The following STK33 variants were observed in gnomAD, a reference collection of about 807,000 sequenced individuals.
STK33 encodes serine/threonine-protein kinase 33.
In STK33, 52 loss-of-function variants were observed where a neutral mutation model predicts 58.0. The ratio of observed to expected loss-of-function variants is 0.90; its 90% confidence interval spans 0.72 to 1.13. STK33 has a LOEUF of 1.13. Ranked by LOEUF, STK33 falls within the 50% of genes most tolerant of loss-of-function variation. The pLI, the probability that STK33 is intolerant of heterozygous loss-of-function variation, is 0.00. For synonymous variants in STK33, 215 were observed against 200.1 expected (o/e 1.07, Z -0.63); for missense variants, 630 against 604.2 (o/e 1.04, Z -0.45).
At chr11:8,387,637 A>AG (rs1229052375), downstream of STK33, among the ~76,000 whole-genome samples, 1 of 152,208 alleles carries the variant, frequency 6.6e-6, no homozygotes, top group Non-Finnish European at 1.5e-5. Flanking sequence ...AATGGATCCC[A>AG]TCCACTATTA....
chr11:8,581,460 G>A (rs1298600379), intron 1 of STK33, among the ~76,000 whole-genome samples: 1 of 152,146 alleles, frequency 6.6e-6, no homozygotes, highest in Non-Finnish European at 1.5e-5. Flanking sequence ...AAGCCTGAGT[G>A]AGAGAGTCAC....
chr11:8,425,485 A>G (rs1466513730), intron 14 of STK33, among the ~76,000 whole-genome samples: 1 of 152,144 alleles, frequency 6.6e-6, no homozygotes, highest in Non-Finnish European at 1.5e-5. Flanking sequence ...TTTTGGTTTC[A>G]TATGAACTTT....
chr11:8,357,223 G>A, the STK33 span, among the ~76,000 whole-genome samples: 5 of 152,148 alleles, frequency 3.3e-5, no homozygotes, highest in Admixed American at 2.0e-4. Flanking sequence ...ATGCCCCATC[G>A]GCTCCCTAAT....
chr11:8,349,173 A>C, the STK33 span, among the ~76,000 whole-genome samples: 14 of 151,972 alleles, frequency 9.2e-5, no homozygotes, highest in Non-Finnish European at 1.2e-4. Flanking sequence ...CTTTGCCAAG[A>C]CTCCATTGCT....
At chr11:8,404,984 C>CA (rs1938841889) in intron 15 of STK33, among the ~76,000 whole-genome samples, 1 of 152,012 alleles carries the variant, frequency 6.6e-6, no homozygotes, top group African/African-American at 2.4e-5. Context: ...ATTAAAAATA[C>CA]AAAAAATTAG....
downstream of STK33, among the ~76,000 whole-genome samples, chr11:8,388,221 T>C (rs1323681728): frequency 1.3e-5 from 2 of 152,090 alleles, no homozygotes; most frequent in Admixed American, 6.5e-5. Context: ...GTCCTATTAA[T>C]CTTCCCAATG....
chr11:8,351,612 C>T, the STK33 span, among the ~76,000 whole-genome samples: 2 of 152,228 alleles, frequency 1.3e-5, no homozygotes, highest in African/African-American at 2.4e-5. Context: ...TTCCATCTCT[C>T]GACACCATTT....
the STK33 span, among the ~76,000 whole-genome samples, chr11:8,374,962 T>C: frequency 2.6e-5 from 4 of 152,336 alleles, no homozygotes; most frequent in South Asian, 2.1e-4. Context: ...CAGGGAAGTA[T>C]AGTTCCCTTC....
intron 1 of STK33, among the ~76,000 whole-genome samples, chr11:8,570,044 T>C (rs1376903264): frequency 6.6e-6 from 1 of 152,150 alleles, no homozygotes; most frequent in Non-Finnish European, 1.5e-5. Flanking sequence ...AAAAAACTTG[T>C]ATCCAAAATT....
intron 1 of STK33, among the ~76,000 whole-genome samples, chr11:8,528,299 C>A (rs1368158371): frequency 6.6e-6 from 1 of 152,182 alleles, no homozygotes; most frequent in Non-Finnish European, 1.5e-5. Flanking sequence ...GTAAGTTGTA[C>A]AATTGTCCTT....
At position 8,405,485 on chromosome 11, in the gene STK33, A is replaced by G. The variant is rs543535628; in HGVS notation, c.1344+8010T>C. On this transcript the variant is annotated intron_variant, in intron 15 of 15. Coordinates refer to ENST00000687296, the MANE Select transcript of STK33 (RefSeq NM_001352389.2). ...ATATTCTGCATGCAAGTCTTCTGTC[A>G]TATATATTTATTGCAAATATTTTCT... Among the ~76,000 whole-genome samples the G allele has an allele frequency of 2.4e-4, 36 of 151,806 alleles. No homozygotes were observed. In the South Asian group the frequency reaches 7.5e-3, roughly 32 times the overall value.
chr11:8,454,090 G>A (rs1946582932), intron 10 of STK33, among the ~76,000 whole-genome samples: 1 of 152,098 alleles, frequency 6.6e-6, no homozygotes, highest in Non-Finnish European at 1.5e-5. Flanking sequence ...CATTTACTTG[G>A]GTAAACCAAC....
intron 12 of STK33, among the ~76,000 whole-genome samples, chr11:8,437,616 C>T (rs1289914738): frequency 6.6e-6 from 1 of 152,170 alleles, no homozygotes; most frequent in Non-Finnish European, 1.5e-5. Flanking sequence ...ATCTCTACAT[C>T]TTTTAACAGT....
the STK33 span, among the ~76,000 whole-genome samples, chr11:8,368,490 C>G: frequency 6.6e-6 from 1 of 152,248 alleles, no homozygotes; most frequent in Non-Finnish European, 1.5e-5. Flanking sequence ...CCCAACAGCG[C>G]CAGAATGCCC....
chr11:8,405,385 A>G (rs926884919), intron 15 of STK33, among the ~76,000 whole-genome samples: 15 of 152,108 alleles, frequency 9.9e-5, no homozygotes, highest in African/African-American at 3.6e-4. Flanking sequence ...ATATCTTCCT[A>G]TGTGAAGTGT....
chr11:8,369,506 T>C, the STK33 span, among the ~76,000 whole-genome samples: 1 of 148,772 alleles, frequency 6.7e-6, no homozygotes, highest in African/African-American at 2.5e-5. Flanking sequence ...TCTTTGTCAT[T>C]TGTGTGGAAA....
intron 1 of STK33, among the ~76,000 whole-genome samples, chr11:8,542,935 T>C (rs1348914548): frequency 2.0e-5 from 3 of 152,222 alleles, no homozygotes; most frequent in East Asian, 1.9e-4. Flanking sequence ...GGTCTTGAAC[T>C]CCTGGGCTCA....
chr11:8,358,602 C>A, the STK33 span, among the ~76,000 whole-genome samples: 19 of 152,036 alleles, frequency 1.2e-4, no homozygotes, highest in Non-Finnish European at 2.5e-4. Context: ...CTCTTCCACC[C>A]GAGGAATGGC....
chr11:8,491,379 G>A (rs986619333), intron 1 of STK33, among the ~76,000 whole-genome samples: 2 of 152,080 alleles, frequency 1.3e-5, no homozygotes, highest in Non-Finnish European at 2.9e-5. Flanking sequence ...TAAAGCAAGA[G>A]GAGAAGTTTA....
Sources: gnomAD v4.1 joint callset for allele counts (sites outside exome capture counted in the v4.1 genomes callset) on GRCh38, gnomAD v4.1.1 for gene constraint, MANE v1.5 for transcripts, NCBI Gene and HGNC (gene_info 2026-07-23, HGNC 2026-07-21) for gene names.